Variants in DYNC2I1 observed in about 807,000 individuals in gnomAD.
DYNC2I1 encodes dynein 2 intermediate chain 1.
A neutral mutation model predicts 133.4 loss-of-function variants in DYNC2I1; 89 were observed. The observed-to-expected ratio is 0.67, with a 90% confidence interval of 0.56 to 0.80. The LOEUF is 0.80. Ranked by LOEUF, DYNC2I1 falls within the 30% of genes least tolerant of loss-of-function variation. DYNC2I1 has a pLI of 0.00. For synonymous variants in DYNC2I1, 504 were observed against 484.3 expected, an observed-to-expected ratio of 1.04 and a Z score of -0.54; for missense variants, 1,291 against 1,314.5, an observed-to-expected ratio of 0.98 and a Z score of 0.28.
At chr7:158,887,400 G>C (rs1844707762) in intron 7 of DYNC2I1, among the ~76,000 whole-genome samples, 1 of 152,104 alleles carries the variant, frequency 6.6e-6, no homozygotes, top group Non-Finnish European at 1.5e-5. Context: ...GCAAATAATT[G>C]GTTCAGCAGA....
chr7:158,898,493 T>C (rs1250953269), intron 8 of DYNC2I1, among the ~76,000 whole-genome samples: 3 of 152,264 alleles, frequency 2.0e-5, no homozygotes, highest in African/African-American at 7.2e-5. Flanking sequence ...TGCCCTTCTT[T>C]ATTCATGTTG....
intron 1 of DYNC2I1, 110 bp from the exon 2 acceptor site, chr7:158,869,745 A>C (rs1842714901): frequency 1.3e-6 from 1 of 754,314 alleles, no homozygotes; most frequent in African/African-American, 1.8e-5. Flanking sequence ...ATTTTCTGGC[A>C]TGTCAAGAAT....
intron 8 of DYNC2I1, among the ~76,000 whole-genome samples, chr7:158,896,510 C>T (rs1296227896): frequency 2.6e-5 from 4 of 152,122 alleles, no homozygotes; most frequent in South Asian, 2.1e-4. Context: ...TTAACTCTGT[C>T]GCTCAGACTT....
At position 158,951,427 on chromosome 7, in the gene DYNC2I1, C is replaced by G. The variant is rs2730209; in HGVS notation, c.*57-5156C>G. ...GAAGCAAAGACGGGCAGGGAGTCTG[C>G]GAGAGGCACAGGGAGACGGGGTCCC... On this transcript the variant is annotated intron_variant and NMD_transcript_variant, in intron 4 of 4. Coordinates refer to the DYNC2I1 transcript ENST00000454771. 2.8e-3 allele frequency among the ~76,000 whole-genome samples: 427 copies of G among 152,288 alleles called. 2 individuals carry two copies. Among genetic ancestry groups the G allele is most frequent in the African/African-American group, 9.9e-3 (410 of 41,546 alleles).
At chr7:158,954,626 C>A (rs535123364) in intron 4 of DYNC2I1, among the ~76,000 whole-genome samples, 1 of 152,102 alleles carries the variant, frequency 6.6e-6, no homozygotes, top group Admixed American at 6.5e-5. Context: ...CCAGCCTGGA[C>A]GACAGAATGA....
chr7:158,912,235 A>C (rs1847551958), intron 12 of DYNC2I1, among the ~76,000 whole-genome samples: 1 of 152,220 alleles, frequency 6.6e-6, no homozygotes, highest in Non-Finnish European at 1.5e-5. Flanking sequence ...ACTTCCCTGT[A>C]GTATTTCCAA....
At chr7:158,889,786 C>T (rs1845011239) in intron 7 of DYNC2I1, among the ~76,000 whole-genome samples, 1 of 152,000 alleles carries the variant, frequency 6.6e-6, no homozygotes. Context: ...GGGGGATCAT[C>T]TGAGGTCAGG....
intron 17 of DYNC2I1, among the ~76,000 whole-genome samples, chr7:158,925,106 C>T (rs1321715740): frequency 6.6e-6 from 1 of 152,160 alleles, no homozygotes; most frequent in Non-Finnish European, 1.5e-5. Context: ...AATAAACTCC[C>T]AGTAGTGAGG....
chr7:158,892,140 C>T (rs1029648016), intron 8 of DYNC2I1, among the ~76,000 whole-genome samples: 2 of 152,212 alleles, frequency 1.3e-5, no homozygotes, highest in Non-Finnish European at 2.9e-5. Context: ...GCCTGGCCCA[C>T]ACTAGGTGTG....
chr7:158,868,502 T>G (rs1322038496), intron 1 of DYNC2I1, among the ~76,000 whole-genome samples: 3 of 152,242 alleles, frequency 2.0e-5, no homozygotes, highest in Non-Finnish European at 4.4e-5. Context: ...TCAGAGGAGC[T>G]GGACGGTGTT....
chr7:158,932,510 G>A (rs560525248), intron 21 of DYNC2I1, among the ~76,000 whole-genome samples: 6 of 151,884 alleles, frequency 4.0e-5, no homozygotes, highest in Non-Finnish European at 8.8e-5. Context: ...CGAGCTGTCA[G>A]TGGGTCTGAT....
At chr7:158,937,908 AAAAG>A (rs1451844975) in intron 23 of DYNC2I1, among the ~76,000 whole-genome samples, 1 of 152,186 alleles carries the variant, frequency 6.6e-6, no homozygotes, top group African/African-American at 2.4e-5. Flanking sequence ...CTAAAAAGAA[AAAAG>A]AAAGGAAATA....
chr7:158,943,845 CT>C (rs765598218), intron 24 of DYNC2I1, among the ~76,000 whole-genome samples: 4 of 152,188 alleles, frequency 2.6e-5, no homozygotes, highest in Non-Finnish European at 5.9e-5. Context: ...TGGAGCTCCC[CT>C]AACCCCTCAG....
chr7:158,876,509 C>T lies in DYNC2I1; in HGVS notation c.491-100C>T, dbSNP rs374211943. 8.3e-5 allele frequency: 114 copies of T among 1,373,342 alleles called. No homozygotes were observed. In the South Asian group the frequency reaches 1.4e-3, roughly 17 times the overall value. The allele number at this position is 1,373,342 out of a possible 1,614,324, so 85.1% of individuals were successfully genotyped here. ...AAGAATATTTTCAAATACATATTAACGAATATAAAATGTGCAATACCATCC... is the reference window on the plus strand; with the variant it reads ...AAGAATATTTTCAAATACATATTAATGAATATAAAATGTGCAATACCATCC... On this transcript the variant is annotated intron_variant, in intron 3 of 24. Transcript: ENST00000407559.
intron 11 of DYNC2I1, among the ~76,000 whole-genome samples, chr7:158,907,030 G>A (rs1177833900): frequency 1.3e-5 from 2 of 151,988 alleles, no homozygotes; most frequent in African/African-American, 4.8e-5. Flanking sequence ...GTGGGAGATG[G>A]CTTGAGCCTG....
rs866881693 is a variant in DYNC2I1, at chr7:158,873,308, C to T, written c.490+1746C>T. Reference sequence around the variant, plus strand: ...TCTGTTAGAAGAACAGGTAGTCACTCTTAGAATCAGCAGAAGGGTTAGAAG... The same window carrying T: ...TCTGTTAGAAGAACAGGTAGTCACTTTTAGAATCAGCAGAAGGGTTAGAAG... On this transcript the variant is annotated intron_variant, in intron 3 of 24. Coordinates refer to ENST00000407559, the MANE Select transcript of DYNC2I1 (RefSeq NM_018051.5). Among the ~76,000 whole-genome samples the T allele has an allele frequency of 2.0e-4, 30 of 152,282 alleles. No individual in the cohort carries two copies. The Middle Eastern group carries it at 0.01, about 52-fold the overall frequency.
rs60362847 is a variant in DYNC2I1, at chr7:158,952,852, C to G, written c.*57-3731C>G. ...GCCTGAGGGGACTCTCCTCAGCACC[C>G]TTCAGGACCCACCGCACCTTCCACC... On this transcript the variant is annotated intron_variant and NMD_transcript_variant, in intron 4 of 4. Transcript: ENST00000454771. Among the ~76,000 whole-genome samples, 1,429 of 152,246 alleles carry G rather than the reference C, an allele frequency of 9.4e-3. 18 individuals are homozygous for G. The highest frequency in any genetic ancestry group is 0.031 in the African/African-American group (1,304 of 41,496).
intron 7 of DYNC2I1, among the ~76,000 whole-genome samples, chr7:158,888,843 A>C (rs1585044271): frequency 6.6e-6 from 1 of 152,112 alleles, no homozygotes; most frequent in Admixed American, 6.5e-5. Context: ...ATTAGGTCAT[A>C]CAGCACCTGT....
chr7:158,848,664 C>A, the DYNC2I1 span, among the ~76,000 whole-genome samples: 1 of 152,178 alleles, frequency 6.6e-6, no homozygotes, highest in South Asian at 2.1e-4. Context: ...GTGACTCACG[C>A]CTGTAATCCC....
Sources: allele counts gnomAD v4.1 joint callset (sites outside exome capture counted in the v4.1 genomes callset), GRCh38; gene constraint gnomAD v4.1.1; transcripts MANE v1.5; gene names NCBI Gene and HGNC (gene_info 2026-07-23, HGNC 2026-07-21).